RASA2: variants seen among roughly 807,000 people sequenced by gnomAD.
RASA2 encodes the protein ras GTPase-activating protein 2.
RASA2 carries 155 observed loss-of-function variants against 118.2 expected under a neutral mutation model. The observed-to-expected ratio is 1.31, with a 90% CI of 1.15 to 1.50. The LOEUF (loss-of-function observed/expected upper bound fraction) is 1.50. Among genes scored for constraint, RASA2 ranks in the 40% most tolerant of loss-of-function variants. The pLI is 0.00. For synonymous variants in RASA2, 353 were observed against 349.1 expected, an observed-to-expected ratio of 1.01 and a Z score of -0.12; for missense variants, 1,016 against 1,009.6, an observed-to-expected ratio of 1.01 and a Z score of -0.09.
chr3:141,489,902 CA>C, intron 1 of RASA2, among the ~76,000 whole-genome samples: 1 of 149,946 alleles, frequency 6.7e-6, no homozygotes, highest in South Asian at 2.1e-4. Context: ...CACAAAATAA[CA>C]ACATGAGACC....
intron 1 of RASA2, among the ~76,000 whole-genome samples, chr3:141,502,967 G>A (rs1302872897): frequency 6.6e-6 from 1 of 152,126 alleles, no homozygotes; most frequent in Non-Finnish European, 1.5e-5. Context: ...TGAATAGAAA[G>A]ACTCTAGGCT....
intron 2 of RASA2, among the ~76,000 whole-genome samples, chr3:141,515,487 T>G (rs1560000596): frequency 6.6e-6 from 1 of 152,206 alleles, no homozygotes; most frequent in Non-Finnish European, 1.5e-5. Flanking sequence ...CTTAGATCCC[T>G]TCAGTGTTCA....
In RASA2 at chr3:141,612,415, C is replaced by A; in HGVS notation, c.*102C>A. Reference sequence around the variant, plus strand: ...CATGGTATTTAAGAATGAGCATCCGCTTCAATGTCATCTGCCTCCACATTG... The same window carrying A: ...CATGGTATTTAAGAATGAGCATCCGATTCAATGTCATCTGCCTCCACATTG... On this transcript the variant is annotated 3_prime_UTR_variant, in exon 24 of 24. Transcript: ENST00000286364. The A allele has an allele frequency of 1.1e-6, 1 of 899,676 alleles. No homozygotes were observed. Among genetic ancestry groups the A allele is most frequent in the South Asian group, 1.7e-5 (1 of 59,196 alleles). The allele number at this position is 899,676 out of a possible 1,614,324, so 55.7% of individuals were successfully genotyped here. A position where few individuals can be genotyped will look rare whatever the true frequency, so the allele number is the denominator to read the frequency against.
Position 141,573,993 on chromosome 3 carries a change from C to A in RASA2, c.1409C>A (p.Ser470Ter). The change falls in exon 14 of 24, where the codon TCA becomes TAA. Residue 470 changes from serine to a stop codon, truncating the protein, a stop_gained. Coordinates refer to ENST00000286364, the MANE Select transcript of RASA2 (RefSeq NM_006506.5). LOFTEE classifies it high-confidence loss of function. The stretch of plus-strand genomic sequence containing the variant: ...AAGTTATTCAATACAATTGTAAAAT[C>A]AAGTATGAGCTGCCCCACTGTAATG... ...VDKLFNTIVK[S>*]SMSCPTVMCD... The A allele has an allele frequency of 6.3e-7, 1 of 1,588,800 alleles. No homozygotes were observed. The highest frequency in any genetic ancestry group is 8.6e-7 in the Non-Finnish European group (1 of 1,161,846).
At chr3:141,570,752 T>C (rs2082904877) in intron 9 of RASA2, among the ~76,000 whole-genome samples, 160 bp from the exon 10 acceptor site, 1 of 152,258 alleles carries the variant, frequency 6.6e-6, no homozygotes, top group Non-Finnish European at 1.5e-5. Context: ...TAACCAATAT[T>C]AGTTTTCTGA....
chr3:141,586,153 G>A, intron 18 of RASA2, 55 bp downstream of exon 18: 1 of 1,470,464 alleles, frequency 6.8e-7, no homozygotes, highest in East Asian at 2.3e-5. Flanking sequence ...TATTAAGTAA[G>A]TACAAAGAGC....
intron 11 of RASA2, among the ~76,000 whole-genome samples, chr3:141,572,214 C>T (rs1178883280): frequency 2.0e-5 from 3 of 151,862 alleles, no homozygotes; most frequent in African/African-American, 7.3e-5. Context: ...GCCTCAGCCT[C>T]CTGAGTAGCT....
chr3:141,586,578 G>C lies in RASA2; in HGVS notation c.1827-68G>C, dbSNP rs2083205826. On this transcript the variant is annotated intron_variant, in intron 18 of 23. Transcript: ENST00000286364. ...CTATTCATGTCATTTAAAGTTAAAG[G>C]ATACTTCTTTGTTTTGGATTAACTT... 4 of 1,036,524 alleles carry C rather than the reference G, an allele frequency of 3.9e-6. No homozygotes were observed. The Admixed American group carries it at 9.6e-5, about 25-fold the overall frequency. 64.2% of individuals were successfully genotyped at this position (1,036,524 alleles called of 1,614,324 possible).
At position 141,540,643 on chromosome 3, in the gene RASA2, A is replaced by G. The variant is rs374168030; in HGVS notation, c.527+34A>G. Reference sequence around the variant, plus strand: ...TTTTTTTAACCAAAATCAACTAGAAATAATTCTCCATTTTGTATTCTTTCG... The same window carrying G: ...TTTTTTTAACCAAAATCAACTAGAAGTAATTCTCCATTTTGTATTCTTTCG... On this transcript the variant is annotated intron_variant, in intron 5 of 23. Transcript: ENST00000286364. 2.6e-6 allele frequency: 4 copies of G among 1,535,612 alleles called. No homozygotes were observed. In the African/African-American group the frequency reaches 5.5e-5, roughly 21 times the overall value.
intron 1 of RASA2, among the ~76,000 whole-genome samples, chr3:141,493,980 T>A (rs1277811828): frequency 6.6e-6 from 1 of 152,234 alleles, no homozygotes; most frequent in Non-Finnish European, 1.5e-5. Flanking sequence ...GAAGATTTTT[T>A]CACATTCACA....
chr3:141,487,925 A>T (rs1290565906), intron 1 of RASA2, among the ~76,000 whole-genome samples: 1 of 152,108 alleles, frequency 6.6e-6, no homozygotes, highest in African/African-American at 2.4e-5. Context: ...GGCGGGACTA[A>T]AGGCAGGATG....
chr3:141,514,002 G>A (rs2081989310), intron 2 of RASA2, among the ~76,000 whole-genome samples: 1 of 152,100 alleles, frequency 6.6e-6, no homozygotes, highest in African/African-American at 2.4e-5. Context: ...GCAACATGAG[G>A]ATGGGCAAAG....
rs1268149962 is a variant in RASA2, at chr3:141,614,981, C to G, written c.*2668C>G. 1 of 152,080 alleles carries G rather than the reference C, an allele frequency of 6.6e-6. No homozygotes were observed. Among genetic ancestry groups the G allele is most frequent in the Non-Finnish European group, 1.5e-5 (1 of 68,014 alleles). 9.4% of individuals were successfully genotyped at this position (152,080 alleles called of 1,614,324 possible). A position where few individuals can be genotyped will look rare whatever the true frequency, so the allele number is the denominator to read the frequency against. ...AGATCTTTTTCTTAAGTGAAAGCAC[C>G]TTTAATTTGCTCTAACGGTACATCC... On this transcript the variant is annotated 3_prime_UTR_variant, in exon 24 of 24. Transcript: ENST00000286364.
At chr3:141,506,797 T>G (rs2081874278) in intron 1 of RASA2, among the ~76,000 whole-genome samples, 1 of 151,444 alleles carries the variant, frequency 6.6e-6, no homozygotes, top group Non-Finnish European at 1.5e-5. Flanking sequence ...GTGTCTGTAG[T>G]CCCAGCTACT....
intron 17 of RASA2, among the ~76,000 whole-genome samples, chr3:141,584,786 G>A (rs1243231474): frequency 6.6e-6 from 1 of 152,070 alleles, no homozygotes; most frequent in Non-Finnish European, 1.5e-5. Flanking sequence ...ATAGTTACAG[G>A]TTGAGTATCC....
chr3:141,585,965 C>A, intron 17 of RASA2, 60 bp from the exon 18 acceptor site: 2 of 1,363,488 alleles, frequency 1.5e-6, no homozygotes, highest in Admixed American at 2.2e-5. Context: ...GTAAGATAAA[C>A]TGAATTTTTT....
intron 19 of RASA2, among the ~76,000 whole-genome samples, chr3:141,590,661 A>G (rs1240996688): frequency 3.3e-5 from 5 of 152,186 alleles, no homozygotes; most frequent in African/African-American, 1.2e-4. Context: ...CTTTTGCTAC[A>G]CTTACTATGT....
intron 4 of RASA2, among the ~76,000 whole-genome samples, chr3:141,530,371 A>G (rs2082243555): frequency 6.6e-6 from 1 of 152,104 alleles, no homozygotes; most frequent in Admixed American, 6.6e-5. Context: ...GATTCTGAGT[A>G]AAGATGTGTG....
chr3:141,509,683 A>G (rs757305332), intron 1 of RASA2, among the ~76,000 whole-genome samples: 21 of 152,232 alleles, frequency 1.4e-4, no homozygotes, highest in Non-Finnish European at 2.8e-4. Context: ...AGTAATGAAA[A>G]TAGAATTGCT....
Sources: gnomAD v4.1 joint callset for allele counts (sites outside exome capture counted in the v4.1 genomes callset) on GRCh38, gnomAD v4.1.1 for gene constraint, MANE v1.5 for transcripts, NCBI Gene and HGNC (gene_info 2026-07-23, HGNC 2026-07-21) for gene names.